GRID2: variants seen among roughly 807,000 people sequenced by gnomAD.
GRID2 encodes the protein glutamate receptor ionotropic, delta-2.
Under a neutral mutation model 114.8 loss-of-function variants are expected in GRID2, and 33 were observed. The observed-to-expected ratio is 0.29, with a 90% CI of 0.22 to 0.38. The LOEUF (loss-of-function observed/expected upper bound fraction) is 0.38, where lower values mean the gene tolerates loss of function less well. Ranked by LOEUF, GRID2 falls within the 10% of genes least tolerant of loss-of-function variation. The pLI, the probability that GRID2 is intolerant of heterozygous loss-of-function variation, is 1.00. For missense variants in GRID2, 1,184 were observed against 1,257.7 expected (o/e 0.94, Z 0.89); for synonymous variants, 505 against 449.9 (o/e 1.12, Z -1.55).
intron 4 of GRID2, among the ~76,000 whole-genome samples, chr4:93,116,092 T>G (rs759557914): frequency 1.3e-5 from 2 of 152,172 alleles, no homozygotes; most frequent in African/African-American, 4.8e-5. Flanking sequence ...CACCTGCACA[T>G]CCTCTCAATA....
intron 13 of GRID2, among the ~76,000 whole-genome samples, chr4:93,527,568 G>A (rs1244332185): frequency 6.8e-6 from 1 of 147,414 alleles, no homozygotes; most frequent in Non-Finnish European, 1.5e-5. Flanking sequence ...TAAAGATAAA[G>A]CTTCTCTTTT....
At chr4:92,728,552 C>T (rs1463525106) in intron 2 of GRID2, among the ~76,000 whole-genome samples, 1 of 151,868 alleles carries the variant, frequency 6.6e-6, no homozygotes, top group African/African-American at 2.4e-5. Flanking sequence ...GAGAATGAGA[C>T]CAAGTCAAAG....
At chr4:92,790,588 T>C (rs1327447090) in intron 2 of GRID2, among the ~76,000 whole-genome samples, 2 of 151,598 alleles carry the variant, frequency 1.3e-5, no homozygotes, top group African/African-American at 4.8e-5. Flanking sequence ...GCTAATTTTG[T>C]TTATTTTTTG....
chr4:93,206,131 C>T (rs538635475), intron 4 of GRID2, among the ~76,000 whole-genome samples: 1 of 151,400 alleles, frequency 6.6e-6, no homozygotes, highest in Non-Finnish European at 1.5e-5. Flanking sequence ...ATAACATATC[C>T]TCAATTATCT....
chr4:92,744,221 CG>C (rs1737035026), intron 2 of GRID2, among the ~76,000 whole-genome samples: 1 of 152,056 alleles, frequency 6.6e-6, no homozygotes, highest in Non-Finnish European at 1.5e-5. Context: ...GGGCCAGGCA[CG>C]GTGGCTGACA....
chr4:93,324,794 T>A (rs1014793271), intron 8 of GRID2, among the ~76,000 whole-genome samples: 4 of 152,190 alleles, frequency 2.6e-5, no homozygotes, highest in African/African-American at 9.7e-5. Context: ...AATTTATCTA[T>A]GTCTTCTAGA....
chr4:93,174,486 A>G (rs1472650568), intron 4 of GRID2, among the ~76,000 whole-genome samples: 1 of 152,190 alleles, frequency 6.6e-6, no homozygotes, highest in African/African-American at 2.4e-5. Context: ...AGTGCAGTGG[A>G]CTGAATTTTG....
rs575446711 is a variant in GRID2 at position 92,959,938 on chromosome 4, G to T, written c.245-125057G>T. Reference sequence around the variant, plus strand: ...GTTGATGAGTGCATCAAACCACCATGGCACATGTGTACCTATGTAACAAAC... The same window carrying T: ...GTTGATGAGTGCATCAAACCACCATTGCACATGTGTACCTATGTAACAAAC... On this transcript the variant is annotated intron_variant, in intron 2 of 15. Transcript: ENST00000282020. Among the ~76,000 whole-genome samples, 416 of 151,782 alleles carry T rather than the reference G, an allele frequency of 2.7e-3. 5 individuals are homozygous for T. Among genetic ancestry groups the T allele is most frequent in the African/African-American group, 9.7e-3 (402 of 41,388 alleles).
At chr4:93,700,403 T>C (rs1373268100) in intron 14 of GRID2, among the ~76,000 whole-genome samples, 1 of 152,126 alleles carries the variant, frequency 6.6e-6, no homozygotes, top group African/African-American at 2.4e-5. Context: ...AACATTTCGA[T>C]TGACTCAATT....
At chr4:93,739,026 A>G (rs964323807) in intron 14 of GRID2, among the ~76,000 whole-genome samples, 1 of 151,984 alleles carries the variant, frequency 6.6e-6, no homozygotes, top group Non-Finnish European at 1.5e-5. Context: ...ATATTTTCCT[A>G]AAAGAGAGCA....
chr4:93,735,604 TC>T (rs919368278), intron 14 of GRID2, among the ~76,000 whole-genome samples: 1 of 152,042 alleles, frequency 6.6e-6, no homozygotes, highest in Non-Finnish European at 1.5e-5. Flanking sequence ...ATGGAAATGT[TC>T]CCAGCTCAAA....
In GRID2 at chr4:92,964,944, C is replaced by G. The variant is rs1173743801; in HGVS notation, c.245-120051C>G. Among the ~76,000 whole-genome samples the G allele has an allele frequency of 3.3e-5, 5 of 151,992 alleles. No homozygotes were observed. The South Asian group carries it at 1.0e-3, about 31-fold the overall frequency. On this transcript the variant is annotated intron_variant, in intron 2 of 15. Coordinates refer to ENST00000282020, the MANE Select transcript of GRID2 (RefSeq NM_001510.4). ...CATTTAATTTCTTTCATGAACTTTT[C>G]TTTTACATTTACAACTTGCTCAACT...
intron 9 of GRID2, among the ~76,000 whole-genome samples, chr4:93,408,371 C>G (rs200897746): frequency 1.1e-4 from 16 of 148,554 alleles, no homozygotes; most frequent in African/African-American, 3.7e-4. Flanking sequence ...TGCTCATTTT[C>G]TTTTTTTTTT....
intron 11 of GRID2, among the ~76,000 whole-genome samples, chr4:93,484,787 A>C (rs1262426565): frequency 6.6e-6 from 1 of 151,900 alleles, no homozygotes; most frequent in Non-Finnish European, 1.5e-5. Context: ...TTCACTACGC[A>C]TGAAGAAACC....
intron 8 of GRID2, 130 bp downstream of exon 8, chr4:93,238,620 G>A (rs1249687937): frequency 5.1e-6 from 3 of 589,938 alleles, no homozygotes; most frequent in Non-Finnish European, 5.7e-6. Flanking sequence ...CAGGGGGTGA[G>A]GGGAAATTAG....
chr4:93,791,101 C>T lies in GRID2; in HGVS notation c.222-15614C>T, dbSNP rs1160775022. On this transcript the variant is annotated intron_variant, in intron 1 of 1. Transcript: ENST00000637838. ...AAAGCTAACATTTTACCTTCCAATC[C>T]AGTTCTAAAAGATCTTTCTTAGAGA... 2.6e-5 allele frequency among the ~76,000 whole-genome samples: 4 copies of T among 152,064 alleles called. No individual in the cohort carries two copies. The South Asian group carries it at 8.3e-4, about 32-fold the overall frequency.
intron 4 of GRID2, among the ~76,000 whole-genome samples, chr4:93,177,898 T>A (rs1232056143): frequency 6.6e-6 from 1 of 152,082 alleles, no homozygotes; most frequent in East Asian, 1.9e-4. Flanking sequence ...TGCTATACAG[T>A]CATTTACCCT....
intron 2 of GRID2, among the ~76,000 whole-genome samples, chr4:92,709,347 CTG>C (rs1040947600): frequency 1.3e-5 from 2 of 151,878 alleles, no homozygotes; most frequent in Non-Finnish European, 2.9e-5. Context: ...CTGCCTGCCA[CTG>C]TGCTTTATAC....
At chr4:93,731,829 A>T (rs1730507416) in intron 14 of GRID2, among the ~76,000 whole-genome samples, 1 of 152,138 alleles carries the variant, frequency 6.6e-6, no homozygotes, top group African/African-American at 2.4e-5. Context: ...TTTTATCCCC[A>T]GAAAGCCTGG....
Sources: gnomAD v4.1 joint callset for allele counts (sites outside exome capture counted in the v4.1 genomes callset) on GRCh38, gnomAD v4.1.1 for gene constraint, MANE v1.5 for transcripts, NCBI Gene and HGNC (gene_info 2026-07-23, HGNC 2026-07-21) for gene names.